FANCC: variants seen among roughly 807,000 people sequenced by gnomAD.
FANCC encodes the protein FA complementation group C.
Under a neutral mutation model 71.3 loss-of-function variants are expected in FANCC, and 55 were observed. That is an observed-to-expected ratio of 0.77 (90% confidence interval 0.62 to 0.97). The LOEUF is 0.97. Among genes scored for constraint, FANCC ranks in the 50% least tolerant of loss-of-function variants. The pLI is 0.00. For synonymous variants in FANCC, 275 were observed against 244.9 expected, an observed-to-expected ratio of 1.12 and a Z score of -1.15; for missense variants, 678 against 670.9, an observed-to-expected ratio of 1.01 and a Z score of -0.12.
At chr9:95,104,020 G>C (rs116884677) in intron 14 of FANCC, among the ~76,000 whole-genome samples, 4,830 of 152,024 alleles carry the variant, frequency 0.032, 139 homozygotes, top group Non-Finnish European at 0.049. Context: ...TGAGGGTGGA[G>C]AGACCCAAGC....
At chr9:95,233,628 A>T (rs1298980796) in intron 4 of FANCC, among the ~76,000 whole-genome samples, 1 of 152,142 alleles carries the variant, frequency 6.6e-6, no homozygotes, top group Non-Finnish European at 1.5e-5. Flanking sequence ...TGGATGCAAA[A>T]ATGGAAAATG....
Position 95,171,147 on chromosome 9 carries a change from T to C in FANCC, c.457-4A>G. The stretch of plus-strand genomic sequence containing the variant: ...CAGACGCTAATGATAAAACCATCTG[T>C]AAAACAAAATCAGTTGCAGGTTAAC... On this transcript the variant is annotated splice_polypyrimidine_tract_variant and splice_region_variant and intron_variant, in intron 5 of 14. Transcript: ENST00000289081. 6.2e-7 allele frequency: 1 copy of C among 1,611,604 alleles called. No individual in the cohort carries two copies. Among genetic ancestry groups the C allele is most frequent in the Non-Finnish European group, 8.5e-7 (1 of 1,177,892 alleles).
At chr9:95,275,926 G>A (rs1833009579) in intron 1 of FANCC, among the ~76,000 whole-genome samples, 1 of 152,126 alleles carries the variant, frequency 6.6e-6, no homozygotes, top group South Asian at 2.1e-4. Context: ...CAGGAGCAGA[G>A]AGAGAAGGCA....
At chr9:95,213,911 G>A (rs1828677491) in intron 4 of FANCC, among the ~76,000 whole-genome samples, 1 of 152,108 alleles carries the variant, frequency 6.6e-6, no homozygotes, top group African/African-American at 2.4e-5. Flanking sequence ...CAGGATAAGG[G>A]ATTAATACCT....
intron 10 of FANCC, among the ~76,000 whole-genome samples, chr9:95,120,306 A>C (rs2072769479): frequency 6.6e-6 from 1 of 152,212 alleles, no homozygotes; most frequent in African/African-American, 2.4e-5. Context: ...TCTCTGTCAA[A>C]AATCAGTTGG....
intron 13 of FANCC, chr9:95,111,034 C>T (rs1196149183): frequency 1.4e-6 from 2 of 1,453,206 alleles, no homozygotes; most frequent in East Asian, 5.0e-5. Context: ...AGGAGACAGT[C>T]AAGATGGAAG....
At chr9:95,303,810 G>C (rs576909312) in intron 1 of FANCC, among the ~76,000 whole-genome samples, 15 of 152,206 alleles carry the variant, frequency 9.9e-5, no homozygotes, top group Non-Finnish European at 1.9e-4. Flanking sequence ...GAATGGGGGA[G>C]GGGTGGACAC....
chr9:95,263,669 G>C (rs560206239), intron 1 of FANCC, among the ~76,000 whole-genome samples: 1 of 152,188 alleles, frequency 6.6e-6, no homozygotes, highest in South Asian at 2.1e-4. Flanking sequence ...GTAACCTCTT[G>C]ACAACGCCAC....
At chr9:95,198,044 A>C (rs1827567881) in intron 4 of FANCC, among the ~76,000 whole-genome samples, 1 of 152,194 alleles carries the variant, frequency 6.6e-6, no homozygotes, top group Admixed American at 6.5e-5. Flanking sequence ...CAAGACTCCT[A>C]GGATGGGCAA....
At chr9:95,189,049 A>G (rs1010923457) in intron 4 of FANCC, among the ~76,000 whole-genome samples, 1 of 152,248 alleles carries the variant, frequency 6.6e-6, no homozygotes, top group African/African-American at 2.4e-5. Context: ...TACTGTGAAT[A>G]TCAATTAAAT....
At chr9:95,141,985 G>GTTT (rs1163083695) in intron 7 of FANCC, among the ~76,000 whole-genome samples, 7,059 of 82,068 alleles carry the variant, frequency 0.086, 138 homozygotes, top group African/African-American at 0.093. Flanking sequence ...AGTTTGTGGG[G>GTTT]TTTTTTTTTT....
At chr9:95,103,619 G>A (rs1212501989) in intron 14 of FANCC, among the ~76,000 whole-genome samples, 5 of 152,224 alleles carry the variant, frequency 3.3e-5, no homozygotes, top group African/African-American at 1.2e-4. Context: ...CTGGCGAGAG[G>A]CCAGGAGCCA....
At chr9:95,187,335 C>T (rs899946833) in intron 4 of FANCC, among the ~76,000 whole-genome samples, 10 of 152,194 alleles carry the variant, frequency 6.6e-5, no homozygotes, top group Non-Finnish European at 5.9e-5. Context: ...TCCCTTCTCC[C>T]TCTTCATGGT....
chr9:95,238,860 G>A (rs566578267), intron 4 of FANCC, among the ~76,000 whole-genome samples: 1 of 152,180 alleles, frequency 6.6e-6, no homozygotes, highest in South Asian at 2.1e-4. Context: ...GCCCAGGCAT[G>A]ATTTCTCTGT....
intron 1 of FANCC, among the ~76,000 whole-genome samples, chr9:95,277,861 C>A (rs992285475): frequency 6.6e-6 from 1 of 152,018 alleles, no homozygotes; most frequent in East Asian, 1.9e-4. Flanking sequence ...CCCAGAAGAA[C>A]AAAAACTGAA....
At chr9:95,311,114 G>A (rs1006885284) in intron 1 of FANCC, among the ~76,000 whole-genome samples, 1 of 151,856 alleles carries the variant, frequency 6.6e-6, no homozygotes, top group Non-Finnish European at 1.5e-5. Context: ...CGTGGTGGTG[G>A]GCTCCTGTAG....
chr9:95,294,085 A>C, intron 1 of FANCC: 2 of 1,610,820 alleles, frequency 1.2e-6, no homozygotes, highest in South Asian at 2.2e-5. Flanking sequence ...CATGACAGAT[A>C]ATCAGACCCA....
chr9:95,208,458 T>C (rs1828287075), intron 4 of FANCC, among the ~76,000 whole-genome samples: 1 of 152,044 alleles, frequency 6.6e-6, no homozygotes, highest in Non-Finnish European at 1.5e-5. Flanking sequence ...TTGCAAAGGA[T>C]ACTATCAAGA....
At chr9:95,135,544 C>G (rs1380828596) in intron 7 of FANCC, 42 bp from the exon 8 acceptor site, 5 of 1,583,112 alleles carry the variant, frequency 3.2e-6, no homozygotes, top group Non-Finnish European at 4.3e-6. Context: ...AGAAATGGCT[C>G]ACTGAAAAAA....
Sources: allele counts gnomAD v4.1 joint callset (sites outside exome capture counted in the v4.1 genomes callset), GRCh38; gene constraint gnomAD v4.1.1; transcripts MANE v1.5; gene names NCBI Gene and HGNC (gene_info 2026-07-23, HGNC 2026-07-21).